The following TSPAN14 variants were observed in gnomAD, a reference collection of about 807,000 sequenced individuals.
TSPAN14 encodes the protein tetraspanin 14.
In TSPAN14, 16 loss-of-function variants were observed where a neutral mutation model predicts 36.6. The ratio of observed to expected loss-of-function variants is 0.44; its 90% CI spans 0.30 to 0.66. The LOEUF is 0.66. TSPAN14 is among the 30% of genes least tolerant of loss of function. The pLI is 0.12. For synonymous variants in TSPAN14, 139 were observed against 143.8 expected (o/e 0.97, Z 0.24); for missense variants, 231 against 355.1 (o/e 0.65, Z 2.81).
intron 3 of TSPAN14, among the ~76,000 whole-genome samples, chr10:80,506,936 G>A (rs544843592): frequency 6.6e-6 from 1 of 152,356 alleles, no homozygotes; most frequent in South Asian, 2.1e-4. Flanking sequence ...TTCCCTCCAG[G>A]CCTGGAATAG....
At position 80,518,293 on chromosome 10, in the gene TSPAN14, C is replaced by G. The variant is rs113054483; in HGVS notation, c.*317C>G. 1,711 of 416,726 alleles carry G rather than the reference C, an allele frequency of 4.1e-3. 26 individuals are homozygous for G. Among genetic ancestry groups the G allele is most frequent in the African/African-American group, 0.032 (1,580 of 49,832 alleles). The allele number at this position is 416,726 out of a possible 1,614,324, so 25.8% of individuals were successfully genotyped here. Reference sequence around the variant, plus strand: ...TGCCAGGAGGGCTTGACTCAGACCCCCTGCAGCTCAAGCATGTCTGCAGGA... The same window carrying G: ...TGCCAGGAGGGCTTGACTCAGACCCGCTGCAGCTCAAGCATGTCTGCAGGA... On this transcript the variant is annotated 3_prime_UTR_variant, in exon 9 of 9. Coordinates refer to ENST00000429989, the Ensembl canonical transcript of TSPAN14.
At chr10:80,478,692 A>G (rs1029889234) in intron 1 of TSPAN14, among the ~76,000 whole-genome samples, 1 of 152,188 alleles carries the variant, frequency 6.6e-6, no homozygotes, top group Non-Finnish European at 1.5e-5. Flanking sequence ...TGCCTTCATC[A>G]TGCTCAATGA....
chr10:80,454,640 G>A (rs569938966), intron 1 of TSPAN14, among the ~76,000 whole-genome samples: 345 of 152,144 alleles, frequency 2.3e-3, no homozygotes, highest in Middle Eastern at 0.01. Flanking sequence ...CGGCGGGCCC[G>A]GGGCCGGCAC....
intron 1 of TSPAN14, among the ~76,000 whole-genome samples, chr10:80,477,850 G>C (rs1279261460): frequency 6.6e-6 from 1 of 152,124 alleles, no homozygotes; most frequent in Non-Finnish European, 1.5e-5. Flanking sequence ...AACATTGACA[G>C]CCAGGCCCTT....
chr10:80,477,792 T>C (rs1007477901), intron 1 of TSPAN14, among the ~76,000 whole-genome samples: 3 of 152,174 alleles, frequency 2.0e-5, no homozygotes, highest in African/African-American at 7.2e-5. Context: ...GGAGTTAATA[T>C]AGAGACCACC....
At chr10:80,476,164 G>A (rs1174743340) in intron 1 of TSPAN14, among the ~76,000 whole-genome samples, 1 of 152,052 alleles carries the variant, frequency 6.6e-6, no homozygotes, top group African/African-American at 2.4e-5. Flanking sequence ...TTGAGCCCAG[G>A]AGTTCGAGTC....
intron 1 of TSPAN14, among the ~76,000 whole-genome samples, chr10:80,486,454 C>T (rs751989358): frequency 4.6e-5 from 7 of 152,210 alleles, no homozygotes; most frequent in Non-Finnish European, 2.9e-5. Context: ...CACACAGACA[C>T]GTTTGCTAAT....
chr10:80,485,722 C>G, intron 1 of TSPAN14: 1 of 984,218 alleles, frequency 1.0e-6, no homozygotes, highest in South Asian at 4.7e-5. Context: ...CCTCCCTGTC[C>G]CGAGGTTAGG....
rs888500794 is a variant in TSPAN14, at chr10:80,509,681, G to C, written c.450+210G>C. ...CTGGTGGGCCAGCCCTTTCCCATTGGGATTGGGCAGGCAAGTCCAGCTGTA... is the reference window on the plus strand; with the variant it reads ...CTGGTGGGCCAGCCCTTTCCCATTGCGATTGGGCAGGCAAGTCCAGCTGTA... On this transcript the variant is annotated intron_variant, in intron 5 of 8. Coordinates refer to ENST00000429989, the Ensembl canonical transcript of TSPAN14. This position sits in a 1 kb window ranked among gnomAD's most constrained non-coding sequence, Gnocchi z 4.7. 3.5e-6 allele frequency: 2 copies of C among 577,576 alleles called. No individual in the cohort carries two copies. The highest frequency in any genetic ancestry group is 3.8e-5 in the African/African-American group (2 of 53,278). 35.8% of individuals were successfully genotyped at this position (577,576 alleles called of 1,614,324 possible).
chr10:80,516,321 C>G, exon 8 of TSPAN14: 1 of 1,614,224 alleles, frequency 6.2e-7, no homozygotes, highest in Non-Finnish European at 8.5e-7. Context: ...CTCGCTGTTG[C>G]AGGTGTGTCC....
intron 1 of TSPAN14, among the ~76,000 whole-genome samples, chr10:80,483,558 G>A (rs1202195917): frequency 1.3e-5 from 2 of 152,064 alleles, no homozygotes; most frequent in East Asian, 3.8e-4. Context: ...TTCATCTGCT[G>A]CCAACAAGGA....
chr10:80,484,501 A>G (rs1398143545), intron 1 of TSPAN14, among the ~76,000 whole-genome samples: 3 of 152,080 alleles, frequency 2.0e-5, no homozygotes, highest in African/African-American at 7.2e-5. Flanking sequence ...TACTTTTTGT[A>G]GAGATGGTGT....
intron 1 of TSPAN14, among the ~76,000 whole-genome samples, chr10:80,459,946 A>G (rs1030428731): frequency 6.6e-6 from 1 of 151,898 alleles, no homozygotes; most frequent in African/African-American, 2.4e-5. Flanking sequence ...TTGTTAGGGG[A>G]GGTCAGCCAC....
chr10:80,493,151 T>G, intron 2 of TSPAN14, among the ~76,000 whole-genome samples: 1 of 152,210 alleles, frequency 6.6e-6, no homozygotes, highest in Non-Finnish European at 1.5e-5. Context: ...GACCTGTTTT[T>G]AGTGCAAAAA....
chr10:80,486,678 C>T (rs954948280), intron 1 of TSPAN14, among the ~76,000 whole-genome samples: 1 of 152,098 alleles, frequency 6.6e-6, no homozygotes, highest in African/African-American at 2.4e-5. Flanking sequence ...TTTCCAGGCT[C>T]CTCTGGGAAC....
At chr10:80,510,487 C>T (rs1840555940) in intron 5 of TSPAN14, among the ~76,000 whole-genome samples, 1 of 152,198 alleles carries the variant, frequency 6.6e-6, no homozygotes, top group South Asian at 2.1e-4. Context: ...TTCACGTAGC[C>T]TTGGCTTGCC....
intron 1 of TSPAN14, chr10:80,459,614 G>A (rs1337608679): frequency 1.3e-5 from 2 of 153,130 alleles, no homozygotes; most frequent in East Asian, 1.9e-4. Flanking sequence ...TGGAACAAGG[G>A]GCTAGTGAAC....
intron 2 of TSPAN14, among the ~76,000 whole-genome samples, chr10:80,499,120 G>T (rs1403481243): frequency 6.6e-6 from 1 of 152,214 alleles, no homozygotes; most frequent in Non-Finnish European, 1.5e-5. Context: ...AGGAGCCAAG[G>T]CCATTAAATC....
At chr10:80,507,424 C>T (rs778356783) in intron 4 of TSPAN14, 50 bp downstream of exon 4, 20 of 1,612,148 alleles carry the variant, frequency 1.2e-5, no homozygotes, top group Non-Finnish European at 1.6e-5. Flanking sequence ...GGGGTACAGG[C>T]TCTGCTGGGC....
Sources: allele counts gnomAD v4.1 joint callset (sites outside exome capture counted in the v4.1 genomes callset), GRCh38; gene constraint gnomAD v4.1.1; non-coding constraint Gnocchi (gnomAD v3.1); transcripts MANE v1.5; gene names NCBI Gene and HGNC (gene_info 2026-07-23, HGNC 2026-07-21).